Variants in ETFB observed in about 807,000 individuals in gnomAD.
ETFB encodes electron transfer flavoprotein subunit beta, also known as beta-ETF.
Under a neutral mutation model 25.6 loss-of-function variants are expected in ETFB, and 20 were observed. The ratio of observed to expected loss-of-function variants is 0.78; its 90% CI spans 0.55 to 1.14. The LOEUF is 1.14. ETFB is among the 50% of genes most tolerant of loss of function. The pLI is 0.00. For missense variants in ETFB, 286 were observed against 342.6 expected (o/e 0.83, Z 1.30); for synonymous variants, 142 against 146.7 (o/e 0.97, Z 0.23).
intron 1 of ETFB, chr19:51,356,401 C>T (rs1986081278): frequency 6.6e-6 from 1 of 152,210 alleles, no homozygotes; most frequent in Admixed American, 6.5e-5. Context: ...CTGACATTTT[C>T]TACCCTTTTT....
Position 51,350,398 on chromosome 19 carries a change from G to A in ETFB, c.376-7C>T, listed in dbSNP as rs1274491817. The A allele has an allele frequency of 1.7e-5, 24 of 1,380,556 alleles. No individual in the cohort carries two copies. The highest frequency in any genetic ancestry group is 2.5e-5 in the Non-Finnish European group (24 of 971,224). The allele number at this position is 1,380,556 out of a possible 1,614,324, so 85.5% of individuals were successfully genotyped here. ...TACAGTCATCATCGATGGCCTGAAT[G>A]GGGAGAGACAGAAGACTGTATGACA... On this transcript the variant is annotated splice_region_variant and splice_polypyrimidine_tract_variant and intron_variant, in intron 3 of 5. Transcript: ENST00000309244.
At chr19:51,354,906 T>C (rs1986039428) in intron 1 of ETFB, 1 of 441,948 alleles carries the variant, frequency 2.3e-6, no homozygotes, top group Non-Finnish European at 4.2e-6. Flanking sequence ...TGGTGGTCTC[T>C]GTGGGAACTT....
intron 1 of ETFB, chr19:51,355,366 G>T (rs1231639599): frequency 1.3e-5 from 2 of 152,306 alleles, no homozygotes; most frequent in Non-Finnish European, 2.9e-5. Flanking sequence ...GGCCATCAGA[G>T]AAATGCAAAT....
Position 51,354,841 on chromosome 19 carries a change from T to C in ETFB, c.58-533A>G, listed in dbSNP as rs542818535. 95 of 578,116 alleles carry C rather than the reference T, an allele frequency of 1.6e-4. 1 individual carries two copies. The South Asian group carries it at 1.8e-3, about 11-fold the overall frequency. 35.8% of individuals were successfully genotyped at this position (578,116 alleles called of 1,614,324 possible). ...GCCCAGCACAGAAGCCTTTTGTTCTTTGCGTGACTGACAGGCTCCCAGGAA... is the reference window on the plus strand; with the variant it reads ...GCCCAGCACAGAAGCCTTTTGTTCTCTGCGTGACTGACAGGCTCCCAGGAA... On this transcript the variant is annotated intron_variant, in intron 1 of 5. Coordinates refer to ENST00000309244, the MANE Select transcript of ETFB (RefSeq NM_001985.3).
At position 51,362,162 on chromosome 19, in the gene ETFB, TACACACACACAC is replaced by T. The variant is rs59581815; in HGVS notation, c.57+4096_57+4107del. The stretch of plus-strand genomic sequence containing the variant: ...AAACATACACACAGCCGGACACACA[TACACACACACAC>T]ACACACACACACACACACACACACA... On this transcript the variant is annotated intron_variant, in intron 1 of 5. Coordinates refer to ENST00000309244, the MANE Select transcript of ETFB (RefSeq NM_001985.3). Among the ~76,000 whole-genome samples, 252 of 144,634 alleles carry T rather than the reference TACACACACACAC, an allele frequency of 1.7e-3. 1 individual carries two copies. Among genetic ancestry groups the T allele is most frequent in the Middle Eastern group, 0.01 (3 of 288 alleles). 94.9% of individuals were successfully genotyped at this position (144,634 alleles called of 152,430 possible).
chr19:51,346,657 G>A (rs991858058), intron 5 of ETFB: 12 of 527,910 alleles, frequency 2.3e-5, no homozygotes, highest in African/African-American at 5.7e-5. Context: ...CCCAGCGAAG[G>A]CTTTCTACTG....
At position 51,366,312 on chromosome 19, in the gene ETFB, G is replaced by A; in HGVS notation, c.15C>T (p.Arg5=). 1.2e-6 allele frequency: 2 copies of A among 1,612,808 alleles called. No individual in the cohort carries two copies. Among genetic ancestry groups the A allele is most frequent in the Non-Finnish European group, 1.7e-6 (2 of 1,179,838 alleles). MAEL[R]VLVAVKRVID... is the part of the protein sequence containing the mutation. ...TGACCCTCTTGACAGCTACGAGCAC[G>A]CGCAGCTCCGCCATCTTCCCGCCGC... Residue 5 remains arginine, a synonymous_variant, in exon 1 of 6, where the codon CGC becomes CGT. Coordinates refer to ENST00000309244, the MANE Select transcript of ETFB (RefSeq NM_001985.3).
At chr19:51,357,486 CTTTCTTTTTTTTTT>C (rs1339587698) in intron 1 of ETFB, among the ~76,000 whole-genome samples, 1 of 100,786 alleles carries the variant, frequency 9.9e-6, no homozygotes. Context: ...TTTTTTCTTT[CTTTCTTTTTTTTTT>C]TTTTTTTGAG....
chr19:51,346,756 A>G (rs1985793728), intron 5 of ETFB, 144 bp downstream of exon 5: 3 of 777,022 alleles, frequency 3.9e-6, no homozygotes, highest in Non-Finnish European at 6.1e-6. Context: ...AACTCTCTCT[A>G]TCAGCCAAAC....
At chr19:51,354,344 G>T in intron 1 of ETFB, 36 bp from the exon 2 acceptor site, 1 of 1,614,058 alleles carries the variant, frequency 6.2e-7, no homozygotes, top group Non-Finnish European at 8.5e-7. Flanking sequence ...GGGTCAGGAG[G>T]AAACAGGCAA....
chr19:51,362,628 T>G (rs565308329), intron 1 of ETFB, among the ~76,000 whole-genome samples: 26 of 152,310 alleles, frequency 1.7e-4, no homozygotes, highest in African/African-American at 6.0e-4. Flanking sequence ...CAAGGGCTTA[T>G]TTAATTTTCA....
rs956956533 is a variant in ETFB, at chr19:51,346,549, A to G, written c.597+351T>C. On this transcript the variant is annotated intron_variant, in intron 5 of 5. Coordinates refer to ENST00000309244, the MANE Select transcript of ETFB (RefSeq NM_001985.3). ...AAGATGATCTACATGGTAACTTCAC[A>G]TTGGCAAAAATTACCAAGGGGACCC... 5.1e-5 allele frequency: 14 copies of G among 277,150 alleles called. No individual in the cohort carries two copies. The Admixed American group carries it at 6.9e-4, about 14-fold the overall frequency. 17.2% of individuals were successfully genotyped at this position (277,150 alleles called of 1,614,324 possible).
intron 1 of ETFB, among the ~76,000 whole-genome samples, chr19:51,364,848 G>A (rs1477056404): frequency 1.3e-5 from 2 of 152,146 alleles, no homozygotes; most frequent in African/African-American, 2.4e-5. Flanking sequence ...TACTGGCTGG[G>A]AGATCTGACA....
intron 1 of ETFB, among the ~76,000 whole-genome samples, chr19:51,364,661 G>A (rs1599848348): frequency 6.6e-6 from 1 of 152,332 alleles, no homozygotes; most frequent in African/African-American, 2.4e-5. Flanking sequence ...TCAGAGCAGG[G>A]AGGAAACCAA....
chr19:51,347,089 G>A, intron 4 of ETFB, 31 bp from the exon 5 acceptor site: 1 of 1,613,040 alleles, frequency 6.2e-7, no homozygotes, highest in Non-Finnish European at 8.5e-7. Context: ...AGGAGAGTGG[G>A]TGAGGCTAAT....
chr19:51,354,860 C>T lies in ETFB; in HGVS notation c.58-552G>A, dbSNP rs1311170274. 9.0e-5 allele frequency: 48 copies of T among 534,834 alleles called. No individual in the cohort carries two copies. In the East Asian group the frequency reaches 1.4e-3, roughly 16 times the overall value. The allele number at this position is 534,834 out of a possible 1,614,324, so 33.1% of individuals were successfully genotyped here. A position where few individuals can be genotyped will look rare whatever the true frequency, so the allele number is the denominator to read the frequency against. ...TGTTCTTTGCGTGACTGACAGGCTC[C>T]CAGGAAAAGTTCCCTCCCCTTTTCA... On this transcript the variant is annotated intron_variant, in intron 1 of 5. Coordinates refer to ENST00000309244, the MANE Select transcript of ETFB (RefSeq NM_001985.3).
chr19:51,350,142 G>T, intron 4 of ETFB, 187 bp downstream of exon 4: 1 of 623,558 alleles, frequency 1.6e-6, no homozygotes, highest in Non-Finnish European at 2.8e-6. Flanking sequence ...GGATGGCAAG[G>T]AAGGCCCCTT....
chr19:51,354,138 G>A lies in ETFB; in HGVS notation c.216+12C>T, dbSNP rs1399392752. The A allele has an allele frequency of 3.1e-6, 5 of 1,613,106 alleles. No homozygotes were observed. The highest frequency in any genetic ancestry group is 3.3e-5 in the Admixed American group (2 of 59,952). On this transcript the variant is annotated intron_variant, in intron 2 of 5. Transcript: ENST00000309244. ...CCCAGGAGTCCAGCCCCCTCCCCAA[G>A]ACCTTCATCACCTGGCACTGTGCAG...
At chr19:51,361,528 G>C (rs1248329510) in intron 1 of ETFB, among the ~76,000 whole-genome samples, 1 of 152,120 alleles carries the variant, frequency 6.6e-6, no homozygotes, top group Non-Finnish European at 1.5e-5. Flanking sequence ...AGCCCAAAGA[G>C]GAAAACCTGA....
Sources: gnomAD v4.1 joint callset for allele counts (sites outside exome capture counted in the v4.1 genomes callset) on GRCh38, gnomAD v4.1.1 for gene constraint, MANE v1.5 for transcripts, NCBI Gene and HGNC (gene_info 2026-07-23, HGNC 2026-07-21) for gene names.